Variants in BRD4 observed in about 807,000 individuals in gnomAD.
BRD4 encodes the protein bromodomain-containing protein 4.
Under a neutral mutation model 142.1 loss-of-function variants are expected in BRD4, and 16 were observed. The observed-to-expected ratio is 0.11, with a 90% CI of 0.08 to 0.17. The LOEUF is 0.17. Among genes scored for constraint, BRD4 ranks in the 10% least tolerant of loss-of-function variants. The pLI is 1.00. For synonymous variants in BRD4, 833 were observed against 707.5 expected, an observed-to-expected ratio of 1.18 and a Z score of -2.82; for missense variants, 1,424 against 1,810.9, an observed-to-expected ratio of 0.79 and a Z score of 3.88.
intron 1 of BRD4, among the ~76,000 whole-genome samples, chr19:15,282,191 C>A (rs764009939): frequency 2.0e-5 from 3 of 152,180 alleles, no homozygotes; most frequent in Non-Finnish European, 4.4e-5. Context: ...ATGAAAGCAG[C>A]CACAAATAAT....
chr19:15,289,935 G>C (rs2047769270), intron 1 of BRD4, among the ~76,000 whole-genome samples: 1 of 152,228 alleles, frequency 6.6e-6, no homozygotes, highest in South Asian at 2.1e-4. Flanking sequence ...TCAAGTGAGG[G>C]AAGGCTTTCC....
chr19:15,257,227 A>G lies in BRD4; in HGVS notation c.1342-54T>C, dbSNP rs2047420923. On this transcript the variant is annotated intron_variant, in intron 7 of 19. Coordinates refer to ENST00000679869, the MANE Select transcript of BRD4 (RefSeq NM_001379291.1). Reference sequence around the variant, plus strand: ...CTGCTGGGTACCCAGGCCGCGGCCTAGCATCACCTGCCCTCATTGGCTGCT... The same window carrying G: ...CTGCTGGGTACCCAGGCCGCGGCCTGGCATCACCTGCCCTCATTGGCTGCT... 2.1e-5 allele frequency: 32 copies of G among 1,505,654 alleles called. No homozygotes were observed. The Admixed American group carries it at 4.6e-4, about 22-fold the overall frequency. 93.3% of individuals were successfully genotyped at this position (1,505,654 alleles called of 1,614,324 possible).
intron 11 of BRD4, among the ~76,000 whole-genome samples, chr19:15,252,572 G>A (rs937964592): frequency 6.6e-6 from 1 of 152,318 alleles, no homozygotes; most frequent in Non-Finnish European, 1.5e-5. Flanking sequence ...CCCTAGCTTC[G>A]GGTGGCAAAG....
rs199798128 is a variant in BRD4, at chr19:15,238,084, G to C, written c.*293C>G. On this transcript the variant is annotated 3_prime_UTR_variant, in exon 20 of 20. Transcript: ENST00000679869. This position sits in a 1 kb window ranked among gnomAD's most constrained non-coding sequence, Gnocchi z 7.2. Reference sequence around the variant, plus strand: ...TGGCGGAGAGAAGGGCCTCTGCCCCGCATGTGGGGATGCAGGGCTTGGGTC... The same window carrying C: ...TGGCGGAGAGAAGGGCCTCTGCCCCCCATGTGGGGATGCAGGGCTTGGGTC... 8.8e-6 allele frequency: 4 copies of C among 456,458 alleles called. No individual in the cohort carries two copies. The highest frequency in any genetic ancestry group is 1.2e-5 in the Non-Finnish European group (3 of 251,012). 28.3% of individuals were successfully genotyped at this position (456,458 alleles called of 1,614,324 possible).
At chr19:15,244,981 G>A (rs772247980) in intron 11 of BRD4, 1 of 834,150 alleles carries the variant, frequency 1.2e-6, no homozygotes, top group Non-Finnish European at 1.8e-6. Flanking sequence ...TCCTAGCAGG[G>A]ACTGTGCCTG....
At chr19:15,294,931 C>T (rs1313211287) in intron 1 of BRD4, among the ~76,000 whole-genome samples, 1 of 152,196 alleles carries the variant, frequency 6.6e-6, no homozygotes, top group Non-Finnish European at 1.5e-5. Flanking sequence ...AAGAACATGA[C>T]TAACTCCAAA....
chr19:15,331,954 C>T (rs1020770865), intron 1 of BRD4: 17 of 140,384 alleles, frequency 1.2e-4, no homozygotes, highest in Admixed American at 2.1e-4. Context: ...CCCCGCCCGC[C>T]CCCGACCGCC....
intron 1 of BRD4, among the ~76,000 whole-genome samples, chr19:15,291,995 T>G (rs1209010150): frequency 6.6e-6 from 1 of 152,236 alleles, no homozygotes; most frequent in African/African-American, 2.4e-5. Context: ...AAAAGGATGG[T>G]AATTCCTTCC....
intron 1 of BRD4, among the ~76,000 whole-genome samples, chr19:15,298,970 A>G (rs1159373201): frequency 6.6e-6 from 1 of 152,204 alleles, no homozygotes; most frequent in Non-Finnish European, 1.5e-5. Flanking sequence ...CCCCAGGTGT[A>G]GCAACAACCC....
At chr19:15,244,165 G>A (rs2047263484) in intron 13 of BRD4, 66 bp downstream of exon 13, 3 of 1,534,504 alleles carry the variant, frequency 2.0e-6, no homozygotes, top group Non-Finnish European at 2.6e-6. Context: ...AGAGTGCTCG[G>A]ACACCACATG....
chr19:15,238,151 G>A lies in BRD4; in HGVS notation c.*226C>T, dbSNP rs200119535. 20 of 624,158 alleles carry A rather than the reference G, an allele frequency of 3.2e-5. No individual in the cohort carries two copies. The highest frequency in any genetic ancestry group is 9.4e-5 in the Admixed American group (3 of 31,974). The allele number at this position is 624,158 out of a possible 1,614,324, so 38.7% of individuals were successfully genotyped here. On this transcript the variant is annotated 3_prime_UTR_variant, in exon 20 of 20. Coordinates refer to ENST00000679869, the MANE Select transcript of BRD4 (RefSeq NM_001379291.1). The surrounding 1 kb of genome is among the most constrained non-coding windows in gnomAD (Gnocchi z 7.2). ...GTAACAAGGCGTGTGCTGAGCGGAC[G>A]TCCTGTGAGGGGTGGTGGGTGGCGG...
At chr19:15,261,854 T>C (rs1255212008) in intron 7 of BRD4, among the ~76,000 whole-genome samples, 1 of 152,076 alleles carries the variant, frequency 6.6e-6, no homozygotes, top group Non-Finnish European at 1.5e-5. Context: ...GCACAGCAGG[T>C]TGAGGCTACA....
intron 10 of BRD4, among the ~76,000 whole-genome samples, chr19:15,254,565 C>T (rs1038651915): frequency 3.9e-5 from 6 of 152,116 alleles, no homozygotes; most frequent in Non-Finnish European, 8.8e-5. Flanking sequence ...CACAAGGTAC[C>T]GCTGGGCATA....
intron 1 of BRD4, among the ~76,000 whole-genome samples, chr19:15,299,245 G>A (rs1283258116): frequency 6.6e-6 from 1 of 152,166 alleles, no homozygotes; most frequent in Non-Finnish European, 1.5e-5. Flanking sequence ...CATAGAGAAT[G>A]AACAGAATGA....
At chr19:15,294,326 C>G (rs537689212) in intron 1 of BRD4, among the ~76,000 whole-genome samples, 1 of 152,262 alleles carries the variant, frequency 6.6e-6, no homozygotes, top group African/African-American at 2.4e-5. Flanking sequence ...CTGGACACAT[C>G]TGGACGACAG....
Position 15,254,240 on chromosome 19 carries a change from G to C in BRD4, c.2070C>G (p.Ala690=), listed in dbSNP as rs764049532. 4 of 1,614,150 alleles carry C rather than the reference G, an allele frequency of 2.5e-6. No homozygotes were observed. The highest frequency in any genetic ancestry group is 3.4e-6 in the Non-Finnish European group (4 of 1,180,016). ...AGAAGCCCTTCATCTTGGAGGAGCC[G>C]GCAATCACATCAACTTTCTCAGCTG... ...KPQAEKVDVI[A]GSSKMKGFSS... The change falls in exon 11 of 20, where the codon GCC becomes GCG. Residue 690 remains alanine (A), a synonymous_variant. Transcript: ENST00000679869.
intron 11 of BRD4, among the ~76,000 whole-genome samples, chr19:15,252,732 T>C (rs937324431): frequency 6.6e-6 from 1 of 152,226 alleles, no homozygotes; most frequent in African/African-American, 2.4e-5. Flanking sequence ...CACGGCATTC[T>C]GCATGCAGTT....
At chr19:15,312,805 C>T (rs1052614663) in intron 1 of BRD4, among the ~76,000 whole-genome samples, 1 of 149,692 alleles carries the variant, frequency 6.7e-6, no homozygotes, top group Non-Finnish European at 1.5e-5. Context: ...CGTGGGGGCG[C>T]GTGCCTGTAA....
intron 11 of BRD4, among the ~76,000 whole-genome samples, chr19:15,245,896 C>T (rs1442495802): frequency 6.6e-6 from 1 of 152,206 alleles, no homozygotes; most frequent in East Asian, 1.9e-4. Flanking sequence ...TTGCCCAAAT[C>T]CAGGCTCCTT....
Sources: allele counts gnomAD v4.1 joint callset (sites outside exome capture counted in the v4.1 genomes callset), GRCh38; gene constraint gnomAD v4.1.1; non-coding constraint Gnocchi (gnomAD v3.1); transcripts MANE v1.5; gene names NCBI Gene and HGNC (gene_info 2026-07-23, HGNC 2026-07-21).